STRN4: variants seen among roughly 807,000 people sequenced by gnomAD.
The protein encoded by STRN4 is striatin-4.
Under a neutral mutation model 77.9 loss-of-function variants are expected in STRN4, and 27 were observed. The observed-to-expected ratio is 0.35, with a 90% confidence interval of 0.26 to 0.48. STRN4 has a LOEUF of 0.48. Ranked by LOEUF, STRN4 falls within the 20% of genes least tolerant of loss-of-function variation. STRN4 has a pLI of 0.99. For missense variants in STRN4, 798 were observed against 1,049.7 expected (o/e 0.76, Z 3.31); for synonymous variants, 466 against 443.1 (o/e 1.05, Z -0.65).
intron 6 of STRN4, among the ~76,000 whole-genome samples, chr19:46,729,561 G>C (rs1241564666): frequency 6.6e-6 from 1 of 152,200 alleles, no homozygotes; most frequent in Non-Finnish European, 1.5e-5. Context: ...GCAAAGAATG[G>C]GGAAGGGGAG....
In STRN4 at chr19:46,723,674, C is replaced by T. The variant is rs911173392; in HGVS notation, c.1595-390G>A. 2.0e-5 allele frequency among the ~76,000 whole-genome samples: 3 copies of T among 152,160 alleles called. No individual in the cohort carries two copies. Among genetic ancestry groups the T allele is most frequent in the Non-Finnish European group, 2.9e-5 (2 of 68,028 alleles). ...ACAAGGGTTGGTCCCAACCCTGGCC[C>T]GAGCAGTCTTTTCAGCCCATGGCCA... On this transcript the variant is annotated intron_variant, in intron 12 of 17. Coordinates refer to ENST00000263280, the MANE Select transcript of STRN4 (RefSeq NM_013403.3). The surrounding 1 kb of genome is among the most constrained non-coding windows in gnomAD (Gnocchi z 5.5).
At chr19:46,725,408 A>C (rs1158642059) in intron 10 of STRN4, 29 bp from the exon 11 acceptor site, 3 of 1,613,820 alleles carry the variant, frequency 1.9e-6, no homozygotes, top group African/African-American at 1.3e-5. Context: ...GCCTGATGTC[A>C]CTGAGACCCT....
chr19:46,734,910 C>T lies in STRN4; in HGVS notation c.540-1674G>A, dbSNP rs578218723. 2.2e-3 allele frequency among the ~76,000 whole-genome samples: 331 copies of T among 152,286 alleles called. 3 individuals are homozygous for T. The highest frequency in any genetic ancestry group is 7.7e-3 in the African/African-American group (319 of 41,568). On this transcript the variant is annotated intron_variant, in intron 4 of 17. Transcript: ENST00000263280. ...CGATCTCCTGACCTTGTGATCTGCCCGCCTCGGCCTCCCAAAGTGCTGGGA... is the reference window on the plus strand; with the variant it reads ...CGATCTCCTGACCTTGTGATCTGCCTGCCTCGGCCTCCCAAAGTGCTGGGA...
At chr19:46,737,107 T>C (rs2054382371) in intron 3 of STRN4, among the ~76,000 whole-genome samples, 1 of 152,176 alleles carries the variant, frequency 6.6e-6, no homozygotes, top group African/African-American at 2.4e-5. Flanking sequence ...GTCTCCTGAC[T>C]GGTGGTTCCC....
chr19:46,728,177 C>T lies in STRN4; in HGVS notation c.1040-170G>A, dbSNP rs977734605. ...GGAGAGGAGGTTGATTGGGCCCCTCCGTGGGGCAGTGGGCAGGTCACTGCC... is the reference window on the plus strand; with the variant it reads ...GGAGAGGAGGTTGATTGGGCCCCTCTGTGGGGCAGTGGGCAGGTCACTGCC... On this transcript the variant is annotated intron_variant, in intron 7 of 17. Coordinates refer to ENST00000263280, the MANE Select transcript of STRN4 (RefSeq NM_013403.3). 155 of 734,142 alleles carry T rather than the reference C, an allele frequency of 2.1e-4. 1 individual carries two copies. In the African/African-American group the frequency reaches 2.3e-3, roughly 11 times the overall value. 45.5% of individuals were successfully genotyped at this position (734,142 alleles called of 1,614,324 possible). A position where few individuals can be genotyped will look rare whatever the true frequency, so the allele number is the denominator to read the frequency against.
In STRN4 at chr19:46,723,539, C is replaced by T. The variant is rs530959962; in HGVS notation, c.1595-255G>A. On this transcript the variant is annotated intron_variant, in intron 12 of 17. Coordinates refer to ENST00000263280, the MANE Select transcript of STRN4 (RefSeq NM_013403.3). The surrounding 1 kb of genome is among the most constrained non-coding windows in gnomAD (Gnocchi z 5.5). ...TTCCCTCTATTCACAGCTGTCTCCC[C>T]AAGCAGGGCCCAGAAACTGGGAGCT... Among the ~76,000 whole-genome samples the T allele has an allele frequency of 3.3e-5, 5 of 152,308 alleles. No individual in the cohort carries two copies. Among genetic ancestry groups the T allele is most frequent in the African/African-American group, 1.2e-4 (5 of 41,576 alleles).
intron 8 of STRN4, 23 bp downstream of exon 8, chr19:46,727,871 A>C: frequency 6.4e-7 from 1 of 1,568,662 alleles, no homozygotes; most frequent in Non-Finnish European, 8.7e-7. Context: ...CAGGACTGGG[A>C]CCAGGTGGGG....
At chr19:46,726,187 G>C (rs2054108353) in intron 9 of STRN4, 1 of 155,570 alleles carries the variant, frequency 6.4e-6, no homozygotes, top group Non-Finnish European at 1.4e-5. Flanking sequence ...GGCAAGGAGA[G>C]TGGCAGGGGA....
intron 1 of STRN4, 36 bp downstream of exon 1, chr19:46,746,113 C>CGGGCCGGGTTGG (rs1555735586): frequency 2.8e-6 from 4 of 1,450,796 alleles, no homozygotes; most frequent in Non-Finnish European, 3.6e-6. Context: ...CGGGCCGGGC[C>CGGGCCGGGTTGG]GGGTTGGGGG....
rs1599852577 is a variant in STRN4 at position 46,720,397 on chromosome 19, C to T, written c.*67-59G>A. 7 of 587,796 alleles carry T rather than the reference C, an allele frequency of 1.2e-5. No homozygotes were observed. The East Asian group carries it at 2.4e-4, about 20-fold the overall frequency. 36.4% of individuals were successfully genotyped at this position (587,796 alleles called of 1,614,324 possible). A position where few individuals can be genotyped will look rare whatever the true frequency, so the allele number is the denominator to read the frequency against. ...GCCGCCTCTAGGGCGCCTCTAAGGC[C>T]TCAACCCCTCCCCTGCATGCCCAGG... On this transcript the variant is annotated intron_variant, in intron 17 of 17. Coordinates refer to ENST00000263280, the MANE Select transcript of STRN4 (RefSeq NM_013403.3).
At position 46,723,218 on chromosome 19, in the gene STRN4, G is replaced by A; in HGVS notation, c.1661C>T (p.Pro554Leu). Residue 554 changes from proline to leucine, a missense_variant, in exon 13 of 18, where the codon CCC (proline) becomes CTC (leucine). By Grantham distance (98) the Pro-to-Leu change is moderately conservative. Around this residue, in one of 2 missense-constraint regions of STRN4, gnomAD observed 287 missense variants for 473.8 expected, o/e 0.61. Transcript: ENST00000263280. The surrounding 1 kb of genome is among the most constrained non-coding windows in gnomAD (Gnocchi z 5.5). ...ACAGGAGGCCAGGCGCTGGGAGGTG[G>A]GACTGAAGGCCAGGCCCCACACGGC... ...GDAVWGLAFS[P>L]TSQRLASCSA... is the part of the protein sequence containing the mutation. The A allele has an allele frequency of 6.4e-7, 1 of 1,553,570 alleles. No homozygotes were observed. Among genetic ancestry groups the A allele is most frequent in the Non-Finnish European group, 8.7e-7 (1 of 1,149,250 alleles).
rs2053952623 is a variant in STRN4, at chr19:46,720,532, T to A, written c.*66+4A>T. On this transcript the variant is annotated splice_donor_region_variant and intron_variant, in intron 17 of 17. Transcript: ENST00000263280. Reference sequence around the variant, plus strand: ...GACTCAGAATGCGGGGTTTCTGCCCTCACCTCAGCCCCACCTGCCCGGCCC... The same window carrying A: ...GACTCAGAATGCGGGGTTTCTGCCCACACCTCAGCCCCACCTGCCCGGCCC... The A allele has an allele frequency of 6.9e-7, 1 of 1,456,330 alleles. No individual in the cohort carries two copies. Among genetic ancestry groups the A allele is most frequent in the Admixed American group, 2.4e-5 (1 of 41,074 alleles). The allele number at this position is 1,456,330 out of a possible 1,614,324, so 90.2% of individuals were successfully genotyped here. A position where few individuals can be genotyped will look rare whatever the true frequency, so the allele number is the denominator to read the frequency against.
chr19:46,734,350 G>A (rs1008721508), intron 4 of STRN4, among the ~76,000 whole-genome samples: 2 of 152,210 alleles, frequency 1.3e-5, no homozygotes, highest in Non-Finnish European at 2.9e-5. Context: ...AGTGTAGCCT[G>A]TTAGTATTAC....
Position 46,734,752 on chromosome 19 carries a change from T to C in STRN4, c.540-1516A>G, listed in dbSNP as rs562532900. ...CGATCTCGGCTCACTGCAAGCTCCG[T>C]CTCCCGGGTTCACGCCATTCTCCTG... On this transcript the variant is annotated intron_variant, in intron 4 of 17. Transcript: ENST00000263280. 1.2e-4 allele frequency among the ~76,000 whole-genome samples: 19 copies of C among 152,154 alleles called. No homozygotes were observed. The South Asian group carries it at 3.7e-3, about 30-fold the overall frequency.
intron 1 of STRN4, among the ~76,000 whole-genome samples, chr19:46,742,655 C>G (rs887723156): frequency 1.3e-5 from 2 of 151,082 alleles, no homozygotes; most frequent in Non-Finnish European, 3.0e-5. Context: ...TTCTGCTTCC[C>G]GGGTACAAGC....
chr19:46,723,340 G>A lies in STRN4; in HGVS notation c.1595-56C>T. 3 of 1,497,418 alleles carry A rather than the reference G, an allele frequency of 2.0e-6. No individual in the cohort carries two copies. The highest frequency in any genetic ancestry group is 1.8e-6 in the Non-Finnish European group (2 of 1,123,232). 92.8% of individuals were successfully genotyped at this position (1,497,418 alleles called of 1,614,324 possible). A position where few individuals can be genotyped will look rare whatever the true frequency, so the allele number is the denominator to read the frequency against. On this transcript the variant is annotated intron_variant, in intron 12 of 17. Coordinates refer to ENST00000263280, the MANE Select transcript of STRN4 (RefSeq NM_013403.3). The surrounding 1 kb of genome is among the most constrained non-coding windows in gnomAD (Gnocchi z 5.5). ...TGTCAGGGCTGCCAGCTCCTCCCTG[G>A]ACAGCCCAGAGCCCCAGCTCTGCCA...
At chr19:46,728,852 A>G in intron 6 of STRN4, 75 bp from the exon 7 acceptor site, 1 of 1,573,008 alleles carries the variant, frequency 6.4e-7, no homozygotes, top group Non-Finnish European at 8.6e-7. Context: ...GCCTAGGAAC[A>G]GGTAAGCCGG....
intron 7 of STRN4, 60 bp from the exon 8 acceptor site, chr19:46,728,067 G>A (rs535468167): frequency 6.7e-7 from 1 of 1,488,448 alleles, no homozygotes; most frequent in Admixed American, 1.9e-5. Flanking sequence ...TCTGGCATAG[G>A]TGACGCCTTC....
chr19:46,724,336 G>C (rs1292714569), intron 12 of STRN4, among the ~76,000 whole-genome samples: 1 of 150,526 alleles, frequency 6.6e-6, no homozygotes, highest in Admixed American at 6.6e-5. Flanking sequence ...TCCCTACTTA[G>C]GTCTTAGATG....
Sources: gnomAD v4.1 joint callset for allele counts (sites outside exome capture counted in the v4.1 genomes callset) on GRCh38, gnomAD v4.1.1 for gene constraint, gnomAD v4.1.1 regional missense constraint, Gnocchi (gnomAD v3.1) non-coding constraint, MANE v1.5 for transcripts, NCBI Gene and HGNC (gene_info 2026-07-23, HGNC 2026-07-21) for gene names.